The following ARL8B variants were observed in gnomAD, a reference collection of about 807,000 sequenced individuals.
ARL8B encodes ARF like GTPase 8B, also known as ADP-ribosylation factor-like protein 8B.
In ARL8B, 9 loss-of-function variants were observed where a neutral mutation model predicts 30.6. The observed-to-expected ratio is 0.29, with a 90% CI of 0.18 to 0.51. The LOEUF is 0.51. ARL8B is among the 20% of genes least tolerant of loss of function. ARL8B has a pLI of 0.97. For missense variants in ARL8B, 130 were observed against 227.2 expected (o/e 0.57, Z 2.75); for synonymous variants, 74 against 76.0 (o/e 0.97, Z 0.14).
At position 5,179,569 on chromosome 3, in the gene ARL8B, T is replaced by C. The variant is rs750726405; in HGVS notation, c.*856T>C. ...TTCCACCCAATATAATAAAACCTGT[T>C]AAGAATGTCAGTCTTTGTTCAAACA... On this transcript the variant is annotated 3_prime_UTR_variant, in exon 7 of 7. Coordinates refer to ENST00000256496, the MANE Select transcript of ARL8B (RefSeq NM_018184.3). 5.2e-5 allele frequency: 8 copies of C among 152,674 alleles called. No homozygotes were observed. The highest frequency in any genetic ancestry group is 1.0e-4 in the Non-Finnish European group (7 of 68,040). The allele number at this position is 152,674 out of a possible 1,614,324, so 9.5% of individuals were successfully genotyped here.
In ARL8B at chr3:5,144,706, T is replaced by C. The variant is rs181195670; in HGVS notation, c.123+22118T>C. Among the ~76,000 whole-genome samples, 412 of 152,350 alleles carry C rather than the reference T, an allele frequency of 2.7e-3. 4 individuals are homozygous for C. Among genetic ancestry groups the C allele is most frequent in the African/African-American group, 9.6e-3 (400 of 41,586 alleles). ...GTCTAATTTCTTCCTCCAGGGAGGC[T>C]TGCATAGCAGCTTTATCTGCAAGCT... On this transcript the variant is annotated intron_variant, in intron 1 of 6. Transcript: ENST00000256496.
intron 5 of ARL8B, 23 bp downstream of exon 5, chr3:5,174,107 TA>T: frequency 6.4e-7 from 1 of 1,574,100 alleles, no homozygotes; most frequent in Admixed American, 1.7e-5. Flanking sequence ...TATGCTATTT[TA>T]ATAATTTGCT....
chr3:5,133,048 G>A (rs2106554851), intron 1 of ARL8B, among the ~76,000 whole-genome samples: 1 of 152,238 alleles, frequency 6.6e-6, no homozygotes, highest in Middle Eastern at 3.4e-3. Flanking sequence ...AATATAATGG[G>A]GAGCAAAGCA....
chr3:5,159,602 CAAAAAAA>C (rs71053495), intron 1 of ARL8B, among the ~76,000 whole-genome samples: 42 of 77,072 alleles, frequency 5.4e-4, no homozygotes, highest in Admixed American at 1.6e-3. Flanking sequence ...AACTCCGTCT[CAAAAAAA>C]AAAAAAAAAA....
At chr3:5,177,748 C>T (rs576004350) in intron 6 of ARL8B, among the ~76,000 whole-genome samples, 13 of 152,118 alleles carry the variant, frequency 8.5e-5, no homozygotes, top group Non-Finnish European at 1.9e-4. Context: ...GCCACCGTGC[C>T]CGGCCATGAA....
chr3:5,178,746 C>G lies in ARL8B; in HGVS notation c.*33C>G. The G allele has an allele frequency of 6.2e-7, 1 of 1,610,836 alleles. No individual in the cohort carries two copies. Among genetic ancestry groups the G allele is most frequent in the Non-Finnish European group, 8.5e-7 (1 of 1,179,390 alleles). ...CCTGAAGTCTTCCAGTCCTTCTTGG[C>G]TATAATCCTAGAATTATTGTCCGTT... On this transcript the variant is annotated 3_prime_UTR_variant, in exon 7 of 7. Coordinates refer to ENST00000256496, the MANE Select transcript of ARL8B (RefSeq NM_018184.3).
intron 1 of ARL8B, among the ~76,000 whole-genome samples, chr3:5,134,251 A>G (rs2054306883): frequency 6.6e-6 from 1 of 152,206 alleles, no homozygotes; most frequent in South Asian, 2.1e-4. Flanking sequence ...CACAAGGACT[A>G]GGCAGAATGT....
intron 2 of ARL8B, 93 bp from the exon 3 acceptor site, chr3:5,172,057 T>C: frequency 8.2e-7 from 1 of 1,225,726 alleles, no homozygotes; most frequent in Non-Finnish European, 1.2e-6. Context: ...GAAATAAATA[T>C]ATCTTCCCGA....
intron 1 of ARL8B, among the ~76,000 whole-genome samples, chr3:5,123,087 G>A (rs1004913148): frequency 6.6e-6 from 1 of 152,152 alleles, no homozygotes; most frequent in East Asian, 1.9e-4. Context: ...CAGTGTGAGC[G>A]CCTTCCTGAA....
chr3:5,156,037 A>G (rs1405723737), intron 1 of ARL8B, among the ~76,000 whole-genome samples: 1 of 151,842 alleles, frequency 6.6e-6, no homozygotes, highest in Non-Finnish European at 1.5e-5. Context: ...CTAGTAGCCA[A>G]GACTACAGGT....
chr3:5,124,323 C>T (rs1188451262), intron 1 of ARL8B, among the ~76,000 whole-genome samples: 1 of 139,968 alleles, frequency 7.1e-6, no homozygotes, highest in Non-Finnish European at 1.5e-5. Flanking sequence ...CCAGGCCAGC[C>T]TTGAACTCCT....
rs149997435 is a variant in ARL8B, at chr3:5,168,415, GCTCTA to G, written c.124-2084_124-2080del. Among the ~76,000 whole-genome samples, 1,408 of 152,250 alleles carry G rather than the reference GCTCTA, an allele frequency of 9.2e-3. 19 individuals carry two copies. The highest frequency in any genetic ancestry group is 0.032 in the African/African-American group (1,309 of 41,544). ...TCAACAAATATTTATTGAATATCTT[GCTCTA>G]CTCAAGAATTTTGGAGTAAAAACTC... On this transcript the variant is annotated intron_variant, in intron 1 of 6. Coordinates refer to ENST00000256496, the MANE Select transcript of ARL8B (RefSeq NM_018184.3).
intron 1 of ARL8B, among the ~76,000 whole-genome samples, chr3:5,155,353 A>T (rs1045816660): frequency 5.9e-5 from 9 of 152,232 alleles, no homozygotes; most frequent in South Asian, 4.1e-4. Flanking sequence ...TTTTAATAGC[A>T]TGTTTATAAT....
At chr3:5,148,884 G>C (rs1376635166) in intron 1 of ARL8B, among the ~76,000 whole-genome samples, 4 of 152,204 alleles carry the variant, frequency 2.6e-5, no homozygotes, top group Non-Finnish European at 5.9e-5. Flanking sequence ...GAATGTCAGA[G>C]GGAGTCTCTT....
At chr3:5,147,129 G>T (rs55946647) in intron 1 of ARL8B, among the ~76,000 whole-genome samples, 1 of 151,628 alleles carries the variant, frequency 6.6e-6, no homozygotes, top group East Asian at 1.9e-4. Context: ...CCCACTAACC[G>T]GTCATTTACA....
intron 1 of ARL8B, among the ~76,000 whole-genome samples, chr3:5,146,825 A>C (rs564073575): frequency 6.6e-6 from 1 of 152,182 alleles, no homozygotes; most frequent in South Asian, 2.1e-4. Flanking sequence ...TGATACTGTC[A>C]ATTTTTCCTT....
chr3:5,172,017 T>A, intron 2 of ARL8B, 133 bp from the exon 3 acceptor site: 1 of 773,062 alleles, frequency 1.3e-6, no homozygotes, highest in East Asian at 2.6e-5. Flanking sequence ...AGGTCAAGTC[T>A]TTCAGGAGCA....
At chr3:5,167,493 G>T (rs2054634240) in intron 1 of ARL8B, among the ~76,000 whole-genome samples, 1 of 152,150 alleles carries the variant, frequency 6.6e-6, no homozygotes, top group East Asian at 1.9e-4. Context: ...ATCCACTGGG[G>T]TTCTTGGAAC....
At chr3:5,142,283 G>A (rs573394549) in intron 1 of ARL8B, among the ~76,000 whole-genome samples, 1 of 152,104 alleles carries the variant, frequency 6.6e-6, no homozygotes, top group African/African-American at 2.4e-5. Flanking sequence ...GTTTTCCCAC[G>A]GGCTTATTGA....
Sources: gnomAD v4.1 joint callset for allele counts (sites outside exome capture counted in the v4.1 genomes callset) on GRCh38, gnomAD v4.1.1 for gene constraint, MANE v1.5 for transcripts, NCBI Gene and HGNC (gene_info 2026-07-23, HGNC 2026-07-21) for gene names.